LRRC4C: variants seen among roughly 807,000 people sequenced by gnomAD.
LRRC4C encodes leucine-rich repeat-containing protein 4C.
Under a neutral mutation model 33.6 loss-of-function variants are expected in LRRC4C, and 5 were observed. The observed-to-expected ratio is 0.15, with a 90% confidence interval of 0.08 to 0.31. The LOEUF (loss-of-function observed/expected upper bound fraction) is 0.31, where lower values mean the gene tolerates loss of function less well. Among genes scored for constraint, LRRC4C ranks in the 10% least tolerant of loss-of-function variants. The pLI, the probability that LRRC4C is intolerant of heterozygous loss-of-function variation, is 1.00. For synonymous variants in LRRC4C, 329 were observed against 302.0 expected, an observed-to-expected ratio of 1.09 and a Z score of -0.93; for missense variants, 560 against 796.7, an observed-to-expected ratio of 0.70 and a Z score of 3.58.
At chr11:41,104,267 G>A (rs1484775356) in intron 1 of LRRC4C, among the ~76,000 whole-genome samples, 3 of 151,840 alleles carry the variant, frequency 2.0e-5, no homozygotes, top group Middle Eastern at 3.4e-3. Context: ...GTCAACTAAA[G>A]TCAAATAAAG....
intron 1 of LRRC4C, among the ~76,000 whole-genome samples, chr11:41,409,406 T>A (rs1057302897): frequency 6.6e-6 from 1 of 152,238 alleles, no homozygotes; most frequent in Non-Finnish European, 1.5e-5. Flanking sequence ...GAAAGTGTGT[T>A]AAGTTGCTTA....
intron 2 of LRRC4C, among the ~76,000 whole-genome samples, chr11:40,896,387 G>C (rs1050886414): frequency 1.3e-5 from 2 of 152,068 alleles, no homozygotes; most frequent in African/African-American, 4.8e-5. Flanking sequence ...CTCTTTATGA[G>C]GGGAAAAAAT....
At chr11:40,538,507 C>A (rs1461208579) in intron 3 of LRRC4C, among the ~76,000 whole-genome samples, 2 of 152,050 alleles carry the variant, frequency 1.3e-5, no homozygotes, top group African/African-American at 4.8e-5. Context: ...GTATATGTGC[C>A]ACATTTTCTT....
At chr11:40,601,096 T>C (rs4755555) in intron 3 of LRRC4C, among the ~76,000 whole-genome samples, 69,154 of 152,028 alleles carry the variant, frequency 0.45, 16,856 homozygotes, top group Middle Eastern at 0.59. Context: ...TCATTTTTTC[T>C]CTTTCTTGGC....
intron 1 of LRRC4C, among the ~76,000 whole-genome samples, chr11:41,003,518 G>A (rs1854526031): frequency 6.7e-6 from 1 of 150,106 alleles, no homozygotes; most frequent in Non-Finnish European, 1.5e-5. Flanking sequence ...AGATCCATTT[G>A]AGATTATGTC....
intron 2 of LRRC4C, among the ~76,000 whole-genome samples, chr11:40,771,603 C>G: frequency 6.6e-6 from 1 of 152,076 alleles, no homozygotes. Context: ...ATTTTCCAAA[C>G]TTTTTTGCTT....
intron 3 of LRRC4C, among the ~76,000 whole-genome samples, chr11:40,489,423 A>G (rs1954034353): frequency 6.6e-6 from 1 of 151,906 alleles, no homozygotes; most frequent in African/African-American, 2.4e-5. Context: ...CTACACGCAT[A>G]CTCACAACTC....
intron 2 of LRRC4C, among the ~76,000 whole-genome samples, chr11:40,860,990 G>A (rs1291562650): frequency 1.3e-5 from 2 of 151,646 alleles, no homozygotes; most frequent in Admixed American, 1.3e-4. Flanking sequence ...CATGTTATGT[G>A]TATTTCACCT....
At chr11:41,169,598 C>A (rs1399626725) in intron 1 of LRRC4C, among the ~76,000 whole-genome samples, 3 of 152,110 alleles carry the variant, frequency 2.0e-5, no homozygotes, top group South Asian at 2.1e-4. Context: ...TTCCATGATT[C>A]TATTTGGTCC....
intron 4 of LRRC4C, among the ~76,000 whole-genome samples, chr11:40,290,561 T>C (rs1353207476): frequency 1.3e-5 from 2 of 152,144 alleles, no homozygotes; most frequent in Non-Finnish European, 2.9e-5. Context: ...GTGTTTCTGG[T>C]TTATATTATC....
At chr11:41,041,216 T>C (rs912478678) in intron 1 of LRRC4C, among the ~76,000 whole-genome samples, 3 of 152,146 alleles carry the variant, frequency 2.0e-5, no homozygotes, top group African/African-American at 4.8e-5. Context: ...GAAATTCTTA[T>C]AGCAAGGTTG....
intron 1 of LRRC4C, among the ~76,000 whole-genome samples, chr11:41,047,860 G>A (rs948851254): frequency 6.6e-6 from 1 of 152,038 alleles, no homozygotes; most frequent in Non-Finnish European, 1.5e-5. Flanking sequence ...TCACCTTGAT[G>A]TGTATATACA....
chr11:41,116,637 G>A (rs1942143233), intron 1 of LRRC4C, among the ~76,000 whole-genome samples: 1 of 152,002 alleles, frequency 6.6e-6, no homozygotes, highest in South Asian at 2.1e-4. Flanking sequence ...GGGAGTGGAA[G>A]GACTGAGATG....
chr11:41,199,149 G>A (rs1388812679), intron 1 of LRRC4C, among the ~76,000 whole-genome samples: 1 of 152,080 alleles, frequency 6.6e-6, no homozygotes, highest in Non-Finnish European at 1.5e-5. Context: ...CAAGGAAACA[G>A]TTTATACAGT....
chr11:41,119,048 T>C (rs200063225), intron 1 of LRRC4C, among the ~76,000 whole-genome samples: 1 of 152,098 alleles, frequency 6.6e-6, no homozygotes, highest in East Asian at 1.9e-4. Flanking sequence ...GTGTAAAGGG[T>C]ACCATGCTTT....
chr11:41,273,757 C>G (rs1259287784), intron 1 of LRRC4C, among the ~76,000 whole-genome samples: 1 of 152,056 alleles, frequency 6.6e-6, no homozygotes. Context: ...TACCACAAAA[C>G]AAAACAAAAC....
chr11:41,076,760 C>A (rs1159916106), intron 1 of LRRC4C, among the ~76,000 whole-genome samples: 1 of 152,236 alleles, frequency 6.6e-6, no homozygotes, highest in South Asian at 2.1e-4. Flanking sequence ...TTTCAGCAGT[C>A]CCCCAAGGTC....
chr11:40,429,973 T>C (rs1950857264), intron 3 of LRRC4C, among the ~76,000 whole-genome samples: 1 of 152,182 alleles, frequency 6.6e-6, no homozygotes, highest in Non-Finnish European at 1.5e-5. Context: ...GCGCAGTTAT[T>C]ATTCCAAAGT....
chr11:40,227,483 T>C (rs576690990), intron 5 of LRRC4C, among the ~76,000 whole-genome samples: 1 of 152,284 alleles, frequency 6.6e-6, no homozygotes, highest in African/African-American at 2.4e-5. Flanking sequence ...TATTTATGTA[T>C]GTATCTGGTT....
Sources: gnomAD v4.1 joint callset for allele counts (sites outside exome capture counted in the v4.1 genomes callset) on GRCh38, gnomAD v4.1.1 for gene constraint, MANE v1.5 for transcripts, NCBI Gene and HGNC (gene_info 2026-07-23, HGNC 2026-07-21) for gene names.